Variants in NUDC observed in about 807,000 individuals in gnomAD.
The protein encoded by NUDC is nuclear distribution C, dynein complex regulator.
In NUDC, 14 loss-of-function variants were observed where a neutral mutation model predicts 45.0. The observed-to-expected ratio is 0.31, with a 90% CI of 0.21 to 0.49. The LOEUF (loss-of-function observed/expected upper bound fraction) is 0.49, where lower values mean the gene tolerates loss of function less well. Among genes scored for constraint, NUDC ranks in the 20% least tolerant of loss-of-function variants. The pLI, the probability that NUDC is intolerant of heterozygous loss-of-function variation, is 0.99. For missense variants in NUDC, 323 were observed against 426.2 expected (o/e 0.76, Z 2.13); for synonymous variants, 153 against 156.7 (o/e 0.98, Z 0.17).
At chr1:26,945,140 T>TC in intron 6 of NUDC, 1 of 582,250 alleles carries the variant, frequency 1.7e-6, no homozygotes, top group South Asian at 2.0e-5. Context: ...CTTTTCTCCC[T>TC]CCACCCTGGA....
In NUDC at chr1:26,937,272, G is replaced by A. The variant is rs1390802328; in HGVS notation, c.160-4185G>A. Among the ~76,000 whole-genome samples, 4 of 152,030 alleles carry A rather than the reference G, an allele frequency of 2.6e-5. No individual in the cohort carries two copies. The East Asian group carries it at 5.8e-4, about 22-fold the overall frequency. ...ACTCCAAACCCCATTGTTTAGGGGGGTTTTTGTTTTGAGACAGGTTCTCAC... is the reference window on the plus strand; with the variant it reads ...ACTCCAAACCCCATTGTTTAGGGGGATTTTTGTTTTGAGACAGGTTCTCAC... On this transcript the variant is annotated intron_variant, in intron 2 of 8. Transcript: ENST00000321265.
intron 2 of NUDC, among the ~76,000 whole-genome samples, chr1:26,905,153 TATTA>T (rs1261300957): frequency 3.2e-5 from 4 of 126,720 alleles, no homozygotes; most frequent in South Asian, 2.5e-4. Context: ...TTATTATTAT[TATTA>T]TTTTTTTTTT....
chr1:26,906,550 C>T (rs1449784962), intron 2 of NUDC, among the ~76,000 whole-genome samples: 1 of 151,782 alleles, frequency 6.6e-6, no homozygotes, highest in Non-Finnish European at 1.5e-5. Flanking sequence ...GAGCACAGCT[C>T]TCAATAAATG....
At position 26,941,502 on chromosome 1, in the gene NUDC, A is replaced by ACCCGGCGGGAGAAGAGAG. The variant is rs1486506650; in HGVS notation, c.212_229dup (p.Arg71_Arg76dup). ...CCACCACAATCAGCTGGCACAGAAG[A>ACCCGGCGGGAGAAGAGAG]CCCGGCGGGAGAAGAGAGCCCGGCA... On this transcript the variant is annotated inframe_insertion, in exon 3 of 9. Transcript: ENST00000321265. 2.5e-6 allele frequency: 4 copies of ACCCGGCGGGAGAAGAGAG among 1,613,956 alleles called. No homozygotes were observed. The highest frequency in any genetic ancestry group is 1.1e-5 in the South Asian group (1 of 91,032).
At chr1:26,909,818 G>T (rs1212268523) in intron 2 of NUDC, among the ~76,000 whole-genome samples, 1 of 152,044 alleles carries the variant, frequency 6.6e-6, no homozygotes, top group Non-Finnish European at 1.5e-5. Flanking sequence ...GGGGCATCTG[G>T]TGGGAGGTGG....
intron 2 of NUDC, among the ~76,000 whole-genome samples, chr1:26,938,753 G>C (rs577665540): frequency 6.6e-5 from 10 of 152,334 alleles, no homozygotes; most frequent in African/African-American, 2.2e-4. Flanking sequence ...CTGCCTTAGA[G>C]ATGCTTGAAA....
At chr1:26,917,055 C>T (rs149900691), upstream of NUDC, among the ~76,000 whole-genome samples, 832 of 152,128 alleles carry the variant, frequency 5.5e-3, 2 homozygotes, top group African/African-American at 8.7e-3. Flanking sequence ...GTCAGGAGTT[C>T]GAGACCAGCC....
At position 26,921,811 on chromosome 1, in the gene NUDC, G is replaced by A; in HGVS notation, c.-38G>A. 1.9e-6 allele frequency: 3 copies of A among 1,544,984 alleles called. No individual in the cohort carries two copies. The highest frequency in any genetic ancestry group is 2.6e-6 in the Non-Finnish European group (3 of 1,142,786). On this transcript the variant is annotated 5_prime_UTR_variant, in exon 1 of 9. Coordinates refer to ENST00000321265, the MANE Select transcript of NUDC (RefSeq NM_006600.4). Reference sequence around the variant, plus strand: ...CAGGAGCGTAGAGAGCGCGGGACTAGAGTGCAGAGCTCCGGGACGTGGATC... The same window carrying A: ...CAGGAGCGTAGAGAGCGCGGGACTAAAGTGCAGAGCTCCGGGACGTGGATC...
intron 1 of NUDC, among the ~76,000 whole-genome samples, chr1:26,901,505 A>G (rs1268140329): frequency 1.3e-5 from 2 of 150,546 alleles, no homozygotes; most frequent in Non-Finnish European, 2.9e-5. Flanking sequence ...CCCGGGTTCA[A>G]GCAATTCTCC....
chr1:26,921,451 G>A (rs1479313165), upstream of NUDC, among the ~76,000 whole-genome samples: 1 of 152,156 alleles, frequency 6.6e-6, no homozygotes, highest in Non-Finnish European at 1.5e-5. Context: ...CAAGGGAGAG[G>A]GGCAAAACTT....
chr1:26,921,503 G>A (rs1399880129), upstream of NUDC, among the ~76,000 whole-genome samples: 1 of 152,210 alleles, frequency 6.6e-6, no homozygotes, highest in Non-Finnish European at 1.5e-5. Context: ...TGAGTCCAGG[G>A]CTTTCTAGAA....
At chr1:26,921,433 G>T (rs377506948), upstream of NUDC, among the ~76,000 whole-genome samples, 4 of 152,300 alleles carry the variant, frequency 2.6e-5, no homozygotes, top group South Asian at 6.2e-4. Context: ...AGCTGGGGGG[G>T]TCGCTAGCAA....
intron 2 of NUDC, among the ~76,000 whole-genome samples, chr1:26,932,574 C>T (rs1042873579): frequency 3.9e-5 from 6 of 152,068 alleles, no homozygotes; most frequent in African/African-American, 7.2e-5. Context: ...CTGCCTGACT[C>T]GGCCTCCCAA....
rs915991995 is a variant in NUDC, at chr1:26,946,152, A to T, written c.967A>T (p.Met323Leu). The T allele has an allele frequency of 1.2e-6, 2 of 1,613,716 alleles. No individual in the cohort carries two copies. Among genetic ancestry groups the T allele is most frequent in the Non-Finnish European group, 8.5e-7 (1 of 1,179,982 alleles). The change falls in exon 9 of 9, where the codon ATG (methionine) becomes TTG (leucine). Residue 323 changes from methionine to leucine, a missense_variant. Around this residue, in one of 3 missense-constraint regions of NUDC, gnomAD observed 54 missense variants for 100.2 expected, o/e 0.54. Transcript: ENST00000321265. The part of the protein sequence containing the change: ...LKKFMDQHPE[M>L]DFSKAKFN ...CAGGTTCATGGATCAACATCCGGAGATGGATTTTTCCAAGGCTAAATTCAA... is the reference window on the plus strand; with the variant it reads ...CAGGTTCATGGATCAACATCCGGAGTTGGATTTTTCCAAGGCTAAATTCAA...
intron 2 of NUDC, among the ~76,000 whole-genome samples, chr1:26,925,718 ATT>A (rs35681038): frequency 9.5e-5 from 12 of 126,846 alleles, no homozygotes; most frequent in Admixed American, 1.6e-4. Context: ...ATCATGAGGA[ATT>A]TTTTTTTTTT....
At chr1:26,916,257 C>T (rs2124079071) in intron 3 of NUDC, among the ~76,000 whole-genome samples, 1 of 151,814 alleles carries the variant, frequency 6.6e-6, no homozygotes, top group East Asian at 1.9e-4. Flanking sequence ...TGTGGTGGGG[C>T]ATATCTGTAG....
Position 26,911,870 on chromosome 1 carries a change from A to G in NUDC, c.93+635A>G, listed in dbSNP as rs1258917303. ...TCACCTGAGCAAAAGCATGTCCCCAAGAAGGCCAGCGATGTCAACATCTCC... is the reference window on the plus strand; with the variant it reads ...TCACCTGAGCAAAAGCATGTCCCCAGGAAGGCCAGCGATGTCAACATCTCC... On this transcript the variant is annotated intron_variant, in intron 3 of 6. Transcript: ENST00000435827. 8.7e-6 allele frequency: 14 copies of G among 1,614,094 alleles called. No individual in the cohort carries two copies. The Admixed American group carries it at 2.2e-4, about 25-fold the overall frequency.
intron 2 of NUDC, among the ~76,000 whole-genome samples, chr1:26,933,872 C>T (rs1485682004): frequency 1.3e-5 from 2 of 151,978 alleles, no homozygotes; most frequent in Non-Finnish European, 2.9e-5. Context: ...AAGAGGATTA[C>T]GGCTGGGCAC....
chr1:26,929,766 G>C, intron 2 of NUDC: 1 of 348,768 alleles, frequency 2.9e-6, no homozygotes, highest in Non-Finnish European at 6.0e-6. Context: ...GCTCATACCT[G>C]TAATCCCAGC....
Sources: allele counts gnomAD v4.1 joint callset (sites outside exome capture counted in the v4.1 genomes callset), GRCh38; gene constraint gnomAD v4.1.1; regional missense constraint gnomAD v4.1.1; transcripts MANE v1.5; gene names NCBI Gene and HGNC (gene_info 2026-07-23, HGNC 2026-07-21).